ZNF846: variants seen among roughly 807,000 people sequenced by gnomAD.
The protein encoded by ZNF846 is zinc finger protein 846, also known as zinc finger protein 420 pseudogene.
ZNF846 carries 15 observed loss-of-function variants against 16.0 expected under a neutral mutation model. That is an observed-to-expected ratio of 0.94 (90% confidence interval 0.63 to 1.45). The LOEUF (loss-of-function observed/expected upper bound fraction) is 1.45. Among genes scored for constraint, ZNF846 ranks in the 40% most tolerant of loss-of-function variants. The pLI is 0.00. For missense variants in ZNF846, 714 were observed against 622.3 expected (o/e 1.15, Z -1.57); for synonymous variants, 229 against 212.0 (o/e 1.08, Z -0.70).
downstream of ZNF846, among the ~76,000 whole-genome samples, chr19:9,754,560 G>C (rs1375061479): frequency 1.4e-5 from 1 of 71,350 alleles, no homozygotes; most frequent in Non-Finnish European, 2.2e-5. Context: ...GCGAGACTCT[G>C]TCTTAAAAAA....
At chr19:9,767,130 TTTTA>T (rs754500060) in intron 1 of ZNF846, among the ~76,000 whole-genome samples, 4 of 151,270 alleles carry the variant, frequency 2.6e-5, no homozygotes, top group South Asian at 2.1e-4. Context: ...CCCGGCCTAG[TTTTA>T]TTTATTTATT....
At chr19:9,774,582 A>G in intron 1 of ZNF846, 3 of 1,508,054 alleles carry the variant, frequency 2.0e-6, no homozygotes, top group Non-Finnish European at 2.8e-6. Context: ...CAGGTTGATG[A>G]AGCTAATTTA....
intron 1 of ZNF846, among the ~76,000 whole-genome samples, chr19:9,781,777 A>ATT (rs112251619): frequency 1.1e-3 from 158 of 139,996 alleles, no homozygotes; most frequent in African/African-American, 3.4e-3. Context: ...AGGGCAAACA[A>ATT]TTTTTTTTTT....
At chr19:9,781,777 ATTTTTTT>A (rs112251619) in intron 1 of ZNF846, among the ~76,000 whole-genome samples, 4 of 139,994 alleles carry the variant, frequency 2.9e-5, no homozygotes, top group Non-Finnish European at 6.3e-5. Flanking sequence ...AGGGCAAACA[ATTTTTTT>A]TTTTTTTTTT....
downstream of ZNF846, among the ~76,000 whole-genome samples, chr19:9,750,894 GC>G (rs2045078485): frequency 6.6e-6 from 1 of 152,110 alleles, no homozygotes; most frequent in Non-Finnish European, 1.5e-5. Flanking sequence ...TTTACTCACT[GC>G]TGAAAAAGGA....
At chr19:9,781,756 G>A (rs2045503691) in intron 1 of ZNF846, among the ~76,000 whole-genome samples, 1 of 149,776 alleles carries the variant, frequency 6.7e-6, no homozygotes, top group African/African-American at 2.4e-5. Context: ...AGAAAATAGA[G>A]AAATTTCCCA....
At chr19:9,774,917 G>A in intron 1 of ZNF846, 1 of 1,609,624 alleles carries the variant, frequency 6.2e-7, no homozygotes, top group Non-Finnish European at 8.5e-7. Flanking sequence ...TAAGAATGCT[G>A]AAGAGTTTAC....
chr19:9,760,478 A>G (rs998566897), intron 4 of ZNF846, among the ~76,000 whole-genome samples: 2 of 150,212 alleles, frequency 1.3e-5, no homozygotes, highest in Admixed American at 1.3e-4. Flanking sequence ...AGGTAGGTGG[A>G]TCACTTGAGT....
chr19:9,761,429 A>G (rs998330402), intron 4 of ZNF846, among the ~76,000 whole-genome samples: 2 of 152,018 alleles, frequency 1.3e-5, no homozygotes, highest in African/African-American at 2.4e-5. Flanking sequence ...TGGTAAAGAT[A>G]TGGTGTCAAA....
intron 1 of ZNF846, among the ~76,000 whole-genome samples, chr19:9,783,538 A>ATATAT (rs1214845852): frequency 0.027 from 3,119 of 114,222 alleles, 49 homozygotes; most frequent in Admixed American, 0.056. Context: ...AAAAAAAAAA[A>ATATAT]AAAAAAATAT....
intron 1 of ZNF846, among the ~76,000 whole-genome samples, chr19:9,782,712 T>C (rs899606484): frequency 1.2e-4 from 18 of 152,264 alleles, no homozygotes; most frequent in Admixed American, 6.5e-5. Flanking sequence ...CTTTGATATG[T>C]GTCTGTTACA....
chr19:9,783,540 AAAAAAT>A (rs1220865276), intron 1 of ZNF846, among the ~76,000 whole-genome samples: 254 of 120,510 alleles, frequency 2.1e-3, no homozygotes, highest in African/African-American at 9.3e-3. Context: ...AAAAAAAAAA[AAAAAAT>A]ATATATATAT....
Position 9,774,724 on chromosome 19 carries a change from C to A in ZNF846, c.-85-9689G>T, listed in dbSNP as rs1206776126. 3.2e-6 allele frequency: 5 copies of A among 1,541,094 alleles called. No homozygotes were observed. The East Asian group carries it at 1.1e-4, about 35-fold the overall frequency. ...TCACATTTAAAACAAAGATCTATCA[C>A]CCAAATATCGACGAAAAGGGGCAGG... On this transcript the variant is annotated intron_variant, in intron 1 of 4. Transcript: ENST00000586814.
intron 5 of ZNF846, 43 bp downstream of exon 5, chr19:9,759,817 T>G: frequency 3.4e-6 from 5 of 1,458,898 alleles, no homozygotes; most frequent in Non-Finnish European, 4.8e-6. Flanking sequence ...AATATTGTGC[T>G]TCTTGTCCTA....
intron 4 of ZNF846, among the ~76,000 whole-genome samples, chr19:9,760,414 T>C (rs1355322074): frequency 6.6e-6 from 1 of 151,638 alleles, no homozygotes; most frequent in Non-Finnish European, 1.5e-5. Context: ...GAATCAACTG[T>C]GCTGGGCTGG....
intron 1 of ZNF846, among the ~76,000 whole-genome samples, chr19:9,784,640 G>A (rs2045540048): frequency 6.6e-6 from 1 of 152,102 alleles, no homozygotes; most frequent in Admixed American, 6.6e-5. Flanking sequence ...CTGGGGGACA[G>A]TAAGGTCTTT....
chr19:9,767,237 G>A (rs553569178), intron 1 of ZNF846, among the ~76,000 whole-genome samples: 14 of 152,066 alleles, frequency 9.2e-5, no homozygotes, highest in Middle Eastern at 3.4e-3. Flanking sequence ...CCGGGTTCAA[G>A]CGATTCTCCT....
At chr19:9,762,260 C>A (rs924941885) in intron 3 of ZNF846, 92 bp from the exon 4 acceptor site, 1 of 888,402 alleles carries the variant, frequency 1.1e-6, no homozygotes. Flanking sequence ...TTCGGGGATT[C>A]TAAAGATGGT....
rs893594225 is a variant in ZNF846, at chr19:9,774,837, A to G, written c.-85-9802T>C. ...CAGTCCCTCATAGCACTGGTGAATG[A>G]CCCCCAGCCCGAGCACCCGCTTCGG... On this transcript the variant is annotated intron_variant, in intron 1 of 4. Transcript: ENST00000586814. 12 of 1,607,752 alleles carry G rather than the reference A, an allele frequency of 7.5e-6. No homozygotes were observed. The African/African-American group carries it at 1.3e-4, about 18-fold the overall frequency.
Sources: allele counts gnomAD v4.1 joint callset (sites outside exome capture counted in the v4.1 genomes callset), GRCh38; gene constraint gnomAD v4.1.1; transcripts MANE v1.5; gene names NCBI Gene and HGNC (gene_info 2026-07-23, HGNC 2026-07-21).